The following BRD7 variants were observed in gnomAD, a reference collection of about 807,000 sequenced individuals.
BRD7 encodes the protein bromodomain containing 7.
Under a neutral mutation model 82.1 loss-of-function variants are expected in BRD7, and 15 were observed. That is an observed-to-expected ratio of 0.18 (90% CI 0.12 to 0.28). BRD7 has a LOEUF of 0.28. Among genes scored for constraint, BRD7 ranks in the 10% least tolerant of loss-of-function variants. The probability of loss-of-function intolerance (pLI) is 1.00; values close to 1 mark genes in which losing one functional copy is unlikely to be tolerated. For missense variants in BRD7, 638 were observed against 779.9 expected (o/e 0.82, Z 2.17); for synonymous variants, 232 against 266.9 (o/e 0.87, Z 1.27).
rs1276511665 is a variant in BRD7, at chr16:50,323,715, G to C, written c.1332-17C>G. ...TCATGGATGCTGCAAGAGACAGTTA[G>C]GAAAGTCTCACATAAATCACCTCCA... is the stretch of plus-strand genomic sequence containing the variant. On this transcript the variant is annotated splice_polypyrimidine_tract_variant and intron_variant, in intron 11 of 16. Coordinates refer to ENST00000394688, the MANE Select transcript of BRD7 (RefSeq NM_013263.5). 6.3e-7 allele frequency: 1 copy of C among 1,593,010 alleles called. No homozygotes were observed. Among genetic ancestry groups the C allele is most frequent in the African/African-American group, 1.3e-5 (1 of 74,564 alleles).
intron 2 of BRD7, among the ~76,000 whole-genome samples, chr16:50,362,825 A>G (rs1208199280): frequency 6.6e-6 from 1 of 152,196 alleles, no homozygotes; most frequent in Non-Finnish European, 1.5e-5. Context: ...AGGTACGAAA[A>G]AGTTCTGGAA....
At chr16:50,328,836 G>A in intron 8 of BRD7, 92 bp from the exon 9 acceptor site, 1 of 1,136,268 alleles carries the variant, frequency 8.8e-7, no homozygotes, top group Admixed American at 2.3e-5. Flanking sequence ...CCAGAGTGTT[G>A]TGGATTGCAG....
rs779298212 is a variant in BRD7, at chr16:50,354,906, C to T, written c.275G>A (p.Arg92Gln). Residue 92 changes from arginine (R) to glutamine (Q), a missense_variant, in exon 3 of 17, where the codon CGA (arginine) becomes CAA (glutamine). This residue lies in a region of BRD7 where 172 missense variants were observed against 155.3 expected (regional missense o/e 1.11). Coordinates refer to ENST00000394688, the MANE Select transcript of BRD7 (RefSeq NM_013263.5). ...CTCATTCTCCACCCGGTCTCGATCT[C>T]GCTTCTTTTTATCCTCCTAAATGGA... ...RRRVKEDKKK[R>Q]DRDRVENEAE... 24 of 1,613,794 alleles carry T rather than the reference C, an allele frequency of 1.5e-5. No homozygotes were observed. The highest frequency in any genetic ancestry group is 5.0e-5 in the Admixed American group (3 of 59,972).
At chr16:50,366,136 A>G (rs947739044) in intron 2 of BRD7, among the ~76,000 whole-genome samples, 1 of 152,238 alleles carries the variant, frequency 6.6e-6, no homozygotes, top group Non-Finnish European at 1.5e-5. Flanking sequence ...TTCAATCTAA[A>G]CAAGTCAAAC....
In BRD7 at chr16:50,368,084, T is replaced by A. The variant is rs375407625; in HGVS notation, c.258+6A>T. On this transcript the variant is annotated splice_donor_region_variant and intron_variant, in intron 2 of 16. Transcript: ENST00000394688. ...CGCAAAGCCAAAGCAATGTAACCACTTGTACCTTAACTCTTCTCCGTTTTC... is the reference window on the plus strand; with the variant it reads ...CGCAAAGCCAAAGCAATGTAACCACATGTACCTTAACTCTTCTCCGTTTTC... The A allele has an allele frequency of 3.1e-6, 5 of 1,604,028 alleles. No homozygotes were observed. In the African/African-American group the frequency reaches 4.0e-5, roughly 13 times the overall value.
In BRD7 at chr16:50,355,045, T is replaced by G. The variant is rs773378541; in HGVS notation, c.259-123A>C. 5.2e-6 allele frequency: 6 copies of G among 1,160,466 alleles called. No individual in the cohort carries two copies. In the Middle Eastern group the frequency reaches 9.6e-4, roughly 186 times the overall value. The allele number at this position is 1,160,466 out of a possible 1,614,324, so 71.9% of individuals were successfully genotyped here. Reference sequence around the variant, plus strand: ...AAAATATTCTTAATAACAAGCTCAATGTACTTTACTGCCATCTACTGGAAA... The same window carrying G: ...AAAATATTCTTAATAACAAGCTCAAGGTACTTTACTGCCATCTACTGGAAA... On this transcript the variant is annotated intron_variant, in intron 2 of 16. Transcript: ENST00000394688.
chr16:50,364,706 CA>C lies in BRD7; in HGVS notation c.258+3383del, dbSNP rs139100281. Among the ~76,000 whole-genome samples, 221 of 152,268 alleles carry C rather than the reference CA, an allele frequency of 1.5e-3. 2 individuals are homozygous for C. The highest frequency in any genetic ancestry group is 0.013 in the East Asian group (65 of 5,184). ...AACCCATCCTGAAGATATTCTTACA[CA>C]AGTGTACAAAGATGTGTGTACAATG... On this transcript the variant is annotated intron_variant, in intron 2 of 16. Transcript: ENST00000394688.
chr16:50,350,183 A>G lies in BRD7; in HGVS notation c.447-16T>C. ...TGGATCTTTTCTGTAAAGATATGCAAAAGACAATGTAATATTTTATTCTAT... is the reference window on the plus strand; with the variant it reads ...TGGATCTTTTCTGTAAAGATATGCAGAAGACAATGTAATATTTTATTCTAT... On this transcript the variant is annotated splice_polypyrimidine_tract_variant and intron_variant, in intron 4 of 16. Transcript: ENST00000394688. 2 of 1,544,690 alleles carry G rather than the reference A, an allele frequency of 1.3e-6. No homozygotes were observed. The highest frequency in any genetic ancestry group is 1.7e-6 in the Non-Finnish European group (2 of 1,149,812).
intron 2 of BRD7, among the ~76,000 whole-genome samples, chr16:50,361,624 C>G (rs1003483639): frequency 6.6e-6 from 1 of 152,136 alleles, no homozygotes. Context: ...ATACTGTTAC[C>G]AGATTTATGT....
Position 50,317,876 on chromosome 16 carries a change from C to G in BRD7, c.*1335G>C, listed in dbSNP as rs1449267635. 6.7e-6 allele frequency: 1 copy of G among 149,262 alleles called. No individual in the cohort carries two copies. Among genetic ancestry groups the G allele is most frequent in the Non-Finnish European group, 1.5e-5 (1 of 66,852 alleles). The allele number at this position is 149,262 out of a possible 1,614,324, so 9.2% of individuals were successfully genotyped here. A position where few individuals can be genotyped will look rare whatever the true frequency, so the allele number is the denominator to read the frequency against. The stretch of plus-strand genomic sequence containing the variant: ...GAAAATAATACCTAAGGTTTTCTGG[C>G]TTATTGAGGAAATTTCCTAACAAAC... On this transcript the variant is annotated 3_prime_UTR_variant, in exon 17 of 17. Coordinates refer to ENST00000394688, the MANE Select transcript of BRD7 (RefSeq NM_013263.5).
rs145755016 is a variant in BRD7, at chr16:50,323,928, G to A, written c.1332-230C>T. Among the ~76,000 whole-genome samples, 8 of 152,250 alleles carry A rather than the reference G, an allele frequency of 5.3e-5. No individual in the cohort carries two copies. In the East Asian group the frequency reaches 1.2e-3, roughly 22 times the overall value. On this transcript the variant is annotated intron_variant, in intron 11 of 16. Coordinates refer to ENST00000394688, the MANE Select transcript of BRD7 (RefSeq NM_013263.5). ...CAAAGAAAAATGAAACCTCAGTGAC[G>A]GGTGCAGGCTCAGTCCCTGGATCTT...
intron 2 of BRD7, among the ~76,000 whole-genome samples, chr16:50,355,126 A>G (rs188555610): frequency 3.3e-4 from 51 of 152,350 alleles, no homozygotes; most frequent in Admixed American, 2.7e-3. Context: ...TATGCCAGAA[A>G]TAACCAGTTA....
intron 13 of BRD7, among the ~76,000 whole-genome samples, chr16:50,321,522 G>C (rs2037103398): frequency 8.1e-6 from 1 of 122,878 alleles, no homozygotes; most frequent in Non-Finnish European, 1.6e-5. Context: ...AGCCGAGATT[G>C]TGCCACTGCA....
chr16:50,339,130 G>A (rs771052860), intron 6 of BRD7, among the ~76,000 whole-genome samples: 35 of 152,242 alleles, frequency 2.3e-4, no homozygotes, highest in Non-Finnish European at 4.4e-4. Flanking sequence ...CTGTGCCTAC[G>A]CACACACTTC....
rs1597013851 is a variant in BRD7 at position 50,318,991 on chromosome 16, C to T, written c.*220G>A. 1 of 486,036 alleles carries T rather than the reference C, an allele frequency of 2.1e-6. No individual in the cohort carries two copies. Among genetic ancestry groups the T allele is most frequent in the East Asian group, 3.5e-5 (1 of 28,778 alleles). 30.1% of individuals were successfully genotyped at this position (486,036 alleles called of 1,614,324 possible). On this transcript the variant is annotated 3_prime_UTR_variant, in exon 17 of 17. Coordinates refer to ENST00000394688, the MANE Select transcript of BRD7 (RefSeq NM_013263.5). Reference sequence around the variant, plus strand: ...TGGAAGGCACTATTTTGAAAGAATGCTGCACAGGTATGGCAACAGCCCCAA... The same window carrying T: ...TGGAAGGCACTATTTTGAAAGAATGTTGCACAGGTATGGCAACAGCCCCAA...
intron 9 of BRD7, among the ~76,000 whole-genome samples, chr16:50,328,277 A>G (rs1355521306): frequency 6.6e-6 from 1 of 152,234 alleles, no homozygotes; most frequent in South Asian, 2.1e-4. Flanking sequence ...TATGTGGCAT[A>G]TACATTCATT....
chr16:50,334,595 C>T, intron 7 of BRD7, 116 bp downstream of exon 7: 1 of 1,237,910 alleles, frequency 8.1e-7, no homozygotes, highest in Non-Finnish European at 1.1e-6. Flanking sequence ...GCCAAAACAC[C>T]ACCACCACCG....
chr16:50,352,204 G>A (rs939072100), intron 4 of BRD7, among the ~76,000 whole-genome samples: 1 of 152,198 alleles, frequency 6.6e-6, no homozygotes, highest in Admixed American at 6.5e-5. Flanking sequence ...GATGGGTAAT[G>A]TGCTGATGTT....
chr16:50,330,912 T>C (rs2037537599), intron 8 of BRD7, among the ~76,000 whole-genome samples: 1 of 152,132 alleles, frequency 6.6e-6, no homozygotes, highest in Admixed American at 6.5e-5. Flanking sequence ...AGTTAATATG[T>C]TATTAAAATT....
Sources: allele counts gnomAD v4.1 joint callset (sites outside exome capture counted in the v4.1 genomes callset), GRCh38; gene constraint gnomAD v4.1.1; regional missense constraint gnomAD v4.1.1; transcripts MANE v1.5; gene names NCBI Gene and HGNC (gene_info 2026-07-23, HGNC 2026-07-21).